Variants in CRTC2 observed in about 807,000 individuals in gnomAD.
CRTC2 encodes the protein CREB-regulated transcription coactivator 2.
In CRTC2, 25 loss-of-function variants were observed where a neutral mutation model predicts 70.9. That is an observed-to-expected ratio of 0.35 (90% confidence interval 0.26 to 0.49). The LOEUF (loss-of-function observed/expected upper bound fraction) is 0.49. Among genes scored for constraint, CRTC2 ranks in the 20% least tolerant of loss-of-function variants. CRTC2 has a pLI of 0.98. For synonymous variants in CRTC2, 330 were observed against 364.1 expected (o/e 0.91, Z 1.07); for missense variants, 737 against 882.6 (o/e 0.83, Z 2.09).
At position 153,953,377 on chromosome 1, in the gene CRTC2, G is replaced by T. The variant is rs758401452; in HGVS notation, c.504-8C>A. 6.3e-7 allele frequency: 1 copy of T among 1,596,910 alleles called. No individual in the cohort carries two copies. Among genetic ancestry groups the T allele is most frequent in the East Asian group, 2.2e-5 (1 of 44,534 alleles). ...GCAGAGTCAGAGCTTGTCCTATGGG[G>T]GGAGCAGGAATGAGCTGACACCAGT... On this transcript the variant is annotated splice_region_variant and splice_polypyrimidine_tract_variant and intron_variant, in intron 5 of 13. Transcript: ENST00000368633.
rs201098465 is a variant in CRTC2, at chr1:153,948,609, G to C, written c.1710C>G (p.Ser570Arg). ...AAAAGCCAGGGGGATCCAGCACCAG[G>C]CTGGCTGATGGGCTCTCCATGCTGA... ...EQFSMESPSA[S>R]LVLDPPGFSE... Residue 570 changes from serine (S) to arginine (R), a missense_variant, in exon 13 of 14, where the codon AGC (serine) becomes AGG (arginine). By Grantham distance (110) the Ser-to-Arg change is moderately radical. Transcript: ENST00000368633. 534 of 1,596,184 alleles carry C rather than the reference G, an allele frequency of 3.3e-4. No individual in the cohort carries two copies. The highest frequency in any genetic ancestry group is 4.4e-4 in the Non-Finnish European group (515 of 1,172,900).
chr1:153,952,007 C>T lies in CRTC2; in HGVS notation c.997+11G>A, dbSNP rs1680347460. On this transcript the variant is annotated intron_variant, in intron 10 of 13. Transcript: ENST00000368633. ...GCACCCAGTGGGCACATGGCCAGGA[C>T]AGTCACTCACCTGGTGCATCATAGC... The T allele has an allele frequency of 3.7e-6, 6 of 1,610,220 alleles. No homozygotes were observed. The highest frequency in any genetic ancestry group is 1.3e-5 in the African/African-American group (1 of 74,984).
intron 10 of CRTC2, 87 bp from the exon 11 acceptor site, chr1:153,951,753 G>C: frequency 7.0e-7 from 1 of 1,428,512 alleles, no homozygotes; most frequent in Non-Finnish European, 9.6e-7. Flanking sequence ...GCAGTGACCA[G>C]ACTATGAAAG....
chr1:153,955,444 G>A (rs956387489), intron 1 of CRTC2, among the ~76,000 whole-genome samples: 4 of 151,518 alleles, frequency 2.6e-5, no homozygotes, highest in Non-Finnish European at 5.9e-5. Flanking sequence ...GCGGGCGCCT[G>A]TAGTCCCAGT....
chr1:153,952,507 G>C (rs1680385268), intron 8 of CRTC2, 61 bp from the exon 9 acceptor site: 2 of 1,612,406 alleles, frequency 1.2e-6, no homozygotes, highest in South Asian at 1.1e-5. Flanking sequence ...ACCCTGGAAG[G>C]CCTGCCCCAT....
rs745629932 is a variant in CRTC2 at position 153,951,570 on chromosome 1, C to A, written c.1094G>T (p.Gly365Val). 1 of 1,611,620 alleles carries A rather than the reference C, an allele frequency of 6.2e-7. No individual in the cohort carries two copies. The highest frequency in any genetic ancestry group is 8.5e-7 in the Non-Finnish European group (1 of 1,178,854). ...AGGCAGAGAGGGGTGGCTGTGGGAGCCCTGAAGCTGGGGCTGAGGACTGCT... is the reference window on the plus strand; with the variant it reads ...AGGCAGAGAGGGGTGGCTGTGGGAGACCTGAAGCTGGGGCTGAGGACTGCT... ...SLSSPQPQLQ[G>V]SHSHPSLPAS... The change falls in exon 11 of 14, where the codon GGC becomes GTC. Residue 365 changes from glycine to valine, a missense_variant. Around this residue, in one of 3 missense-constraint regions of CRTC2, gnomAD observed 699 missense variants for 823.7 expected, o/e 0.85. Transcript: ENST00000368633.
Position 153,952,020 on chromosome 1 carries a change from G to A in CRTC2, c.995C>T (p.Pro332Leu), listed in dbSNP as rs1680347977. The change falls in exon 10 of 14, where the codon CCA becomes CTA. Residue 332 changes from proline (P) to leucine (L), a missense_variant and splice_region_variant. By Grantham distance (98) the Pro-to-Leu change is moderately conservative (BLOSUM62 -3). This residue lies in a region of CRTC2 where 699 missense variants were observed against 823.7 expected (regional missense o/e 0.85). Transcript: ENST00000368633. Reference protein sequence around the residue: ...GMGLGPGYDAPGLHSPLSHPS... With the variant: ...GMGLGPGYDALGLHSPLSHPS... Reference sequence around the variant, plus strand: ...ACATGGCCAGGACAGTCACTCACCTGGTGCATCATAGCCTGGGCCCAGGCC... The same window carrying A: ...ACATGGCCAGGACAGTCACTCACCTAGTGCATCATAGCCTGGGCCCAGGCC... 2 of 1,612,624 alleles carry A rather than the reference G, an allele frequency of 1.2e-6. No homozygotes were observed. Among genetic ancestry groups the A allele is most frequent in the Non-Finnish European group, 1.7e-6 (2 of 1,179,546 alleles).
chr1:153,954,835 TA>T (rs1680540617), intron 3 of CRTC2, 37 bp downstream of exon 3: 1 of 1,568,718 alleles, frequency 6.4e-7, no homozygotes, highest in Non-Finnish European at 8.8e-7. Flanking sequence ...CCCATCCCAC[TA>T]CCTTTCAGAC....
At chr1:153,955,499 G>A (rs1287107009) in intron 1 of CRTC2, among the ~76,000 whole-genome samples, 1 of 150,354 alleles carries the variant, frequency 6.7e-6, no homozygotes, top group African/African-American at 2.5e-5. Context: ...CCTGGGAGGT[G>A]GAGGTTGCAG....
Position 153,952,001 on chromosome 1 carries a change from C to A in CRTC2, c.997+17G>T. On this transcript the variant is annotated intron_variant, in intron 10 of 13. Coordinates refer to ENST00000368633, the MANE Select transcript of CRTC2 (RefSeq NM_181715.3). ...CAGGCAGCACCCAGTGGGCACATGG[C>A]CAGGACAGTCACTCACCTGGTGCAT... The A allele has an allele frequency of 6.2e-7, 1 of 1,608,304 alleles. No individual in the cohort carries two copies.
chr1:153,954,824 C>A, intron 3 of CRTC2, 49 bp downstream of exon 3: 2 of 1,512,534 alleles, frequency 1.3e-6, no homozygotes, highest in Non-Finnish European at 1.8e-6. Flanking sequence ...CCCTGAGGAA[C>A]CCCATCCCAC....
chr1:153,953,013 C>T (rs1035831357), intron 6 of CRTC2, 179 bp from the exon 7 acceptor site: 14 of 754,778 alleles, frequency 1.9e-5, no homozygotes, highest in Non-Finnish European at 2.9e-5. Flanking sequence ...GAAACCCCAT[C>T]TCTACTAAAA....
intron 1 of CRTC2, 46 bp from the exon 2 acceptor site, chr1:153,955,212 C>G (rs1317509284): frequency 1.4e-6 from 2 of 1,413,328 alleles, no homozygotes; most frequent in Non-Finnish European, 2.0e-6. Flanking sequence ...GTCCTGAGCA[C>G]TATTTCCTTC....
chr1:153,954,852 C>G, intron 3 of CRTC2, 21 bp downstream of exon 3: 1 of 1,606,380 alleles, frequency 6.2e-7, no homozygotes. Flanking sequence ...CAGACACTCC[C>G]AAGTCCCCTG....
In CRTC2 at chr1:153,953,353, CAG is replaced by C; in HGVS notation, c.518_519del (p.Ser173CysfsTer35). 1 of 1,605,664 alleles carries C rather than the reference CAG, an allele frequency of 6.2e-7. No individual in the cohort carries two copies. On this transcript the variant is annotated frameshift_variant, in exon 6 of 14. Coordinates refer to ENST00000368633, the MANE Select transcript of CRTC2 (RefSeq NM_181715.3). LOFTEE classifies it high-confidence loss of function. The stretch of plus-strand genomic sequence containing the variant: ...GGGTTCATCACACTTGTATGAAGGG[CAG>C]AGTCAGAGCTTGTCCTATGGGGGGA... ...PSALNRTSSDSALHTSVMNPS... is the reference protein window; with the variant it reads ...PSALNRTSSDXALHTSVMNPS...
In CRTC2 at chr1:153,952,444, T is replaced by C. The variant is rs142951728; in HGVS notation, c.705A>G (p.Leu235=). 80 of 1,614,072 alleles carry C rather than the reference T, an allele frequency of 5.0e-5. 1 individual carries two copies. The highest frequency in any genetic ancestry group is 4.7e-4 in the Admixed American group (28 of 60,016). Residue 235 remains leucine (L), a splice_region_variant and synonymous_variant, in exon 9 of 14, where the codon CTA becomes CTG. Transcript: ENST00000368633. ...HLLKPWDAKK[L]SSSSSRPRSC... ...ACCGAGGTCGGGAAGAGGATGAGGA[T>C]AGCTGAGGAGAGAAGGGAGAATATG...
At chr1:153,951,952 C>G (rs879757775) in intron 10 of CRTC2, 66 bp downstream of exon 10, 108 of 1,562,758 alleles carry the variant, frequency 6.9e-5, no homozygotes, top group Non-Finnish European at 9.0e-5. Context: ...GTGCTCAAAC[C>G]TACCTCCCCT....
chr1:153,951,763 G>A (rs1479419509), intron 10 of CRTC2, 97 bp from the exon 11 acceptor site: 3 of 1,348,412 alleles, frequency 2.2e-6, no homozygotes, highest in African/African-American at 1.5e-5. Context: ...GACTATGAAA[G>A]CGGCAACACA....
intron 1 of CRTC2, chr1:153,957,922 C>A: frequency 1.7e-6 from 1 of 572,742 alleles, no homozygotes; most frequent in Non-Finnish European, 2.3e-6. Context: ...GGCAGAGGGA[C>A]CAGTTTGGAG....
Sources: gnomAD v4.1 joint callset for allele counts (sites outside exome capture counted in the v4.1 genomes callset) on GRCh38, gnomAD v4.1.1 for gene constraint, gnomAD v4.1.1 regional missense constraint, MANE v1.5 for transcripts, NCBI Gene and HGNC (gene_info 2026-07-23, HGNC 2026-07-21) for gene names.